The following SPNS2 variants were observed in gnomAD, a reference collection of about 807,000 sequenced individuals.
SPNS2 encodes sphingosine-1-phosphate transporter SPNS2.
In SPNS2, 37 loss-of-function variants were observed where a neutral mutation model predicts 57.6. The observed-to-expected ratio is 0.64, with a 90% CI of 0.49 to 0.85. The LOEUF is 0.85. Ranked by LOEUF, SPNS2 falls within the 40% of genes least tolerant of loss-of-function variation. SPNS2 has a pLI of 0.00. For synonymous variants in SPNS2, 440 were observed against 346.9 expected (o/e 1.27, Z -2.98); for missense variants, 831 against 779.1 (o/e 1.07, Z -0.79).
In SPNS2 at chr17:4,533,094, G is replaced by A. The variant is rs368417189; in HGVS notation, c.1053G>A (p.Glu351=). 5 of 1,612,678 alleles carry A rather than the reference G, an allele frequency of 3.1e-6. No homozygotes were observed. Among genetic ancestry groups the A allele is most frequent in the Non-Finnish European group, 4.2e-6 (5 of 1,179,666 alleles). Reference sequence around the variant, plus strand: ...CCCAAGTTGTGCAGAAGACAGCAGAGACGTGCAACAGCCCGCCCTGTGGGG... The same window carrying A: ...CCCAAGTTGTGCAGAAGACAGCAGAAACGTGCAACAGCCCGCCCTGTGGGG... ...HRAQVVQKTA[E]TCNSPPCGAK... The change falls in exon 7 of 13, where the codon GAG becomes GAA. Residue 351 remains glutamate, a synonymous_variant. Transcript: ENST00000329078.
intron 1 of SPNS2, among the ~76,000 whole-genome samples, chr17:4,507,360 A>G (rs1473823163): frequency 6.6e-6 from 1 of 152,240 alleles, no homozygotes; most frequent in Non-Finnish European, 1.5e-5. Context: ...CAAGGTGGGA[A>G]TGCCCCATTG....
intron 5 of SPNS2, among the ~76,000 whole-genome samples, 190 bp from the exon 6 acceptor site, chr17:4,532,352 A>T (rs1004445918): frequency 6.6e-6 from 1 of 151,802 alleles, no homozygotes; most frequent in Non-Finnish European, 1.5e-5. Context: ...AGGCCATCTC[A>T]AGCCTCCAGT....
chr17:4,526,400 C>T (rs569804353), intron 3 of SPNS2, among the ~76,000 whole-genome samples: 3 of 152,150 alleles, frequency 2.0e-5, no homozygotes, highest in East Asian at 3.9e-4. Flanking sequence ...GTCAGGAGTT[C>T]GAGACCAGCC....
chr17:4,507,726 G>A (rs1294023243), intron 1 of SPNS2, among the ~76,000 whole-genome samples: 4 of 152,240 alleles, frequency 2.6e-5, no homozygotes, highest in African/African-American at 4.8e-5. Flanking sequence ...GGTGAACGTG[G>A]GCTGATACTG....
At position 4,510,336 on chromosome 17, in the gene SPNS2, C is replaced by G. The variant is rs538398858; in HGVS notation, c.371-2911C>G. On this transcript the variant is annotated intron_variant, in intron 1 of 12. Coordinates refer to ENST00000329078, the MANE Select transcript of SPNS2 (RefSeq NM_001124758.3). The surrounding 1 kb of genome is among the most constrained non-coding windows in gnomAD (Gnocchi z 4.4). ...CATGTTATCCAAAAGCTTCCTGTGTCCTGGGAACTGCCCAGGACTTCCCAG... is the reference window on the plus strand; with the variant it reads ...CATGTTATCCAAAAGCTTCCTGTGTGCTGGGAACTGCCCAGGACTTCCCAG... Among the ~76,000 whole-genome samples, 54 of 152,272 alleles carry G rather than the reference C, an allele frequency of 3.5e-4. No individual in the cohort carries two copies. The highest frequency in any genetic ancestry group is 1.3e-3 in the African/African-American group (53 of 41,548).
At chr17:4,535,950 G>A in intron 9 of SPNS2, 126 bp from the exon 10 acceptor site, 1 of 714,186 alleles carries the variant, frequency 1.4e-6, no homozygotes, top group Non-Finnish European at 2.3e-6. Flanking sequence ...GGGGAGAGAG[G>A]TGTCAAGACG....
chr17:4,512,729 G>GGT lies in SPNS2; in HGVS notation c.371-508_371-507dup, dbSNP rs918799117. 1.3e-4 allele frequency among the ~76,000 whole-genome samples: 20 copies of GGT among 151,308 alleles called. No homozygotes were observed. Among genetic ancestry groups the GGT allele is most frequent in the Admixed American group, 7.2e-4 (11 of 15,258 alleles). ...GTGCACACACGTGCGTGCGTGTGCA[G>GGT]GTGTGTGTGTGCATGTACAGGTGTG... is the stretch of plus-strand genomic sequence containing the variant. On this transcript the variant is annotated intron_variant, in intron 1 of 12. Transcript: ENST00000329078. The surrounding 1 kb of genome is among the most constrained non-coding windows in gnomAD (Gnocchi z 5.2).
In SPNS2 at chr17:4,531,129, A is replaced by T; in HGVS notation, c.792+10A>T. The T allele has an allele frequency of 1.2e-6, 2 of 1,613,732 alleles. No individual in the cohort carries two copies. The highest frequency in any genetic ancestry group is 1.7e-6 in the Non-Finnish European group (2 of 1,179,860). On this transcript the variant is annotated intron_variant, in intron 5 of 12. Coordinates refer to ENST00000329078, the MANE Select transcript of SPNS2 (RefSeq NM_001124758.3). ...GCACTGGGCATTGCGGGTAAGCCCTACGTCCCTTCCCATGAGGACACCCTC... is the reference window on the plus strand; with the variant it reads ...GCACTGGGCATTGCGGGTAAGCCCTTCGTCCCTTCCCATGAGGACACCCTC...
intron 9 of SPNS2, 81 bp downstream of exon 9, chr17:4,533,934 GAA>G: frequency 1.6e-5 from 13 of 806,002 alleles, no homozygotes; most frequent in Non-Finnish European, 2.5e-5. Context: ...GAGGGCGGGT[GAA>G]GGGGCGGGAG....
intron 1 of SPNS2, among the ~76,000 whole-genome samples, chr17:4,502,145 G>T (rs1401763295): frequency 2.0e-5 from 3 of 152,160 alleles, no homozygotes; most frequent in Non-Finnish European, 2.9e-5. Flanking sequence ...GGAGGTCGAG[G>T]CGGGTGGATC....
chr17:4,499,270 C>G lies in SPNS2; in HGVS notation c.223C>G (p.Pro75Ala). 6.7e-7 allele frequency: 1 copy of G among 1,486,666 alleles called. No homozygotes were observed. The highest frequency in any genetic ancestry group is 8.9e-7 in the Non-Finnish European group (1 of 1,125,502). The allele number at this position is 1,486,666 out of a possible 1,614,324, so 92.1% of individuals were successfully genotyped here. ...GGCCCCGACCGGACCCCCCGGCACC[C>G]CCGGCACCCCCGGCTGCGCAGCTAC... ...RRAPTGPPGT[P>A]GTPGCAATAK... The change falls in exon 1 of 13, where the codon CCC becomes GCC. Residue 75 changes from proline (P) to alanine (A), a missense_variant. By Grantham distance (27) the Pro-to-Ala change is conservative. This residue lies in a region of SPNS2 where 305 missense variants were observed against 378.3 expected (regional missense o/e 0.81). Transcript: ENST00000329078. The surrounding 1 kb of genome is among the most constrained non-coding windows in gnomAD (Gnocchi z 5.2).
intron 1 of SPNS2, among the ~76,000 whole-genome samples, chr17:4,508,713 C>T (rs915474575): frequency 8.5e-5 from 13 of 152,194 alleles, no homozygotes; most frequent in Admixed American, 3.9e-4. Context: ...CGTAGAACAG[C>T]GCCTGGCACA....
Position 4,533,025 on chromosome 17 carries a change from C to T in SPNS2, c.984C>T (p.Ala328=), listed in dbSNP as rs529263790. The T allele has an allele frequency of 1.2e-6, 2 of 1,613,384 alleles. No homozygotes were observed. Among genetic ancestry groups the T allele is most frequent in the African/African-American group, 1.3e-5 (1 of 75,060 alleles). Residue 328 remains alanine, a synonymous_variant, in exon 7 of 13, where the codon GCC becomes GCT. Coordinates refer to ENST00000329078, the MANE Select transcript of SPNS2 (RefSeq NM_001124758.3). ...TGGCCACGTCGGCTGTCTCCTTCGCCACGGGGGCCCTGGGCATGTGGATCC... is the reference window on the plus strand; with the variant it reads ...TGGCCACGTCGGCTGTCTCCTTCGCTACGGGGGCCCTGGGCATGTGGATCC... ...SSLATSAVSF[A]TGALGMWIPL... is the part of the protein sequence containing the mutation.
At chr17:4,535,033 C>G (rs543627263) in intron 9 of SPNS2, among the ~76,000 whole-genome samples, 1 of 152,332 alleles carries the variant, frequency 6.6e-6, no homozygotes, top group Admixed American at 6.5e-5. Context: ...TCTCCCGCAA[C>G]GGGGTGCCCC....
intron 2 of SPNS2, among the ~76,000 whole-genome samples, chr17:4,522,630 G>A (rs117751588): frequency 7.4e-4 from 112 of 152,286 alleles, no homozygotes; most frequent in Non-Finnish European, 1.3e-3. Context: ...TCAGGCCCAC[G>A]GAGGAGCAGC....
intron 11 of SPNS2, 75 bp downstream of exon 11, chr17:4,536,501 CTG>C: frequency 6.8e-7 from 1 of 1,474,070 alleles, no homozygotes; most frequent in Non-Finnish European, 9.2e-7. Flanking sequence ...GAGCCCTGCC[CTG>C]GGGTGGGGCG....
Position 4,512,929 on chromosome 17 carries a change from T to C in SPNS2, c.371-318T>C, listed in dbSNP as rs7213611. ...ATGTCTATTGCACTGATCCACGGCC[T>C]GGGCCGCAGGTAGGGAAGAGGCCCA... On this transcript the variant is annotated intron_variant, in intron 1 of 12. Coordinates refer to ENST00000329078, the MANE Select transcript of SPNS2 (RefSeq NM_001124758.3). The surrounding 1 kb of genome is among the most constrained non-coding windows in gnomAD (Gnocchi z 5.2). Among the ~76,000 whole-genome samples the C allele has an allele frequency of 0.17, 26,003 of 152,188 alleles. 3,352 individuals carry two copies. Among genetic ancestry groups the C allele is most frequent in the East Asian group, 0.64 (3,297 of 5,140 alleles).
At chr17:4,534,172 C>A (rs967244948) in intron 9 of SPNS2, among the ~76,000 whole-genome samples, 1 of 152,160 alleles carries the variant, frequency 6.6e-6, no homozygotes, top group Non-Finnish European at 1.5e-5. Context: ...CCGCCCTCCT[C>A]CCCCCGCTGG....
At position 4,533,318 on chromosome 17, in the gene SPNS2, C is replaced by T; in HGVS notation, c.1164C>T (p.Cys388=). Residue 388 remains cysteine (C), a synonymous_variant, in exon 8 of 13, where the codon TGC becomes TGT. Coordinates refer to ENST00000329078, the MANE Select transcript of SPNS2 (RefSeq NM_001124758.3). ...VVTGAGATRW[C]RLKTQRADPL... ...CGGGGGCAGGAGCCACGCGCTGGTG[C>T]CGCCTGAAGACCCAGCGGGCCGACC... The T allele has an allele frequency of 6.2e-7, 1 of 1,611,872 alleles. No individual in the cohort carries two copies. The highest frequency in any genetic ancestry group is 8.5e-7 in the Non-Finnish European group (1 of 1,179,482).
Sources: gnomAD v4.1 joint callset for allele counts (sites outside exome capture counted in the v4.1 genomes callset) on GRCh38, gnomAD v4.1.1 for gene constraint, gnomAD v4.1.1 regional missense constraint, Gnocchi (gnomAD v3.1) non-coding constraint, MANE v1.5 for transcripts, NCBI Gene and HGNC (gene_info 2026-07-23, HGNC 2026-07-21) for gene names.